The following EEA1 variants were observed in gnomAD, a reference collection of about 807,000 sequenced individuals.
The protein encoded by EEA1 is early endosome antigen 1.
A neutral mutation model predicts 209.2 loss-of-function variants in EEA1; 111 were observed. That is an observed-to-expected ratio of 0.53 (90% confidence interval 0.45 to 0.62). The LOEUF (loss-of-function observed/expected upper bound fraction) is 0.62. Among genes scored for constraint, EEA1 ranks in the 20% least tolerant of loss-of-function variants. EEA1 has a pLI of 0.00. For synonymous variants in EEA1, 536 were observed against 540.6 expected (o/e 0.99, Z 0.12); for missense variants, 1,343 against 1,530.8 (o/e 0.88, Z 2.05).
intron 18 of EEA1, among the ~76,000 whole-genome samples, chr12:92,803,916 C>T (rs534193314): frequency 6.6e-6 from 1 of 151,956 alleles, no homozygotes. Context: ...ATTACAAAAT[C>T]ATAAGACTAT....
chr12:92,819,576 A>C, intron 13 of EEA1, 65 bp from the exon 14 acceptor site: 2 of 1,132,216 alleles, frequency 1.8e-6, no homozygotes, highest in African/African-American at 3.1e-5. Context: ...CTCAAACATA[A>C]AATGACTAAT....
At chr12:92,794,766 G>C (rs1015785599) in intron 21 of EEA1, among the ~76,000 whole-genome samples, 1 of 151,684 alleles carries the variant, frequency 6.6e-6, no homozygotes. Context: ...ATCATTAGAA[G>C]AAATACCTAA....
chr12:92,896,953 T>C (rs28871380), intron 1 of EEA1, among the ~76,000 whole-genome samples: 39,691 of 151,728 alleles, frequency 0.26, 5,683 homozygotes, highest in Non-Finnish European at 0.33. Flanking sequence ...AGAAGGAGGA[T>C]CGCTTGAGGC....
intron 1 of EEA1, among the ~76,000 whole-genome samples, chr12:92,925,067 G>T (rs575181141): frequency 8.6e-5 from 13 of 150,692 alleles, no homozygotes; most frequent in African/African-American, 3.2e-4. Context: ...ATAGTTGTAT[G>T]AATCTCTGAA....
intron 11 of EEA1, among the ~76,000 whole-genome samples, 178 bp from the exon 12 acceptor site, chr12:92,828,239 ATATAT>A (rs1003860854): frequency 8.0e-4 from 122 of 152,228 alleles, no homozygotes; most frequent in Non-Finnish European, 1.5e-3. Flanking sequence ...AATTTTAATC[ATATAT>A]TATAATGAAT....
At chr12:92,831,633 A>T (rs1310982527) in intron 11 of EEA1, among the ~76,000 whole-genome samples, 5 of 147,026 alleles carry the variant, frequency 3.4e-5, no homozygotes, top group Non-Finnish European at 7.5e-5. Context: ...ATATTTCATA[A>T]ATATATAAAT....
intron 11 of EEA1, among the ~76,000 whole-genome samples, chr12:92,829,472 T>G (rs1876502644): frequency 2.0e-5 from 3 of 152,096 alleles, no homozygotes; most frequent in Admixed American, 2.0e-4. Context: ...CACTAAAACA[T>G]AGGCAGATTA....
intron 20 of EEA1, 33 bp downstream of exon 20, chr12:92,801,567 T>C (rs1201979761): frequency 7.1e-7 from 1 of 1,407,066 alleles, no homozygotes; most frequent in Non-Finnish European, 9.8e-7. Flanking sequence ...TACTATACTT[T>C]ACAGATTTTA....
chr12:92,850,569 A>G (rs1877569630), intron 9 of EEA1, among the ~76,000 whole-genome samples: 1 of 151,800 alleles, frequency 6.6e-6, no homozygotes, highest in Non-Finnish European at 1.5e-5. Context: ...AGGCACCTGT[A>G]ATCCCAGCTA....
chr12:92,858,394 A>G, intron 3 of EEA1: 2 of 1,131,466 alleles, frequency 1.8e-6, no homozygotes, highest in South Asian at 2.5e-5. Context: ...AAGACTTGTA[A>G]TGTGCTGGTA....
At chr12:92,905,795 T>A (rs1431220595) in intron 1 of EEA1, among the ~76,000 whole-genome samples, 1 of 152,186 alleles carries the variant, frequency 6.6e-6, no homozygotes, top group Non-Finnish European at 1.5e-5. Flanking sequence ...TTATGCAATA[T>A]CTTAAAAAGA....
intron 2 of EEA1, among the ~76,000 whole-genome samples, chr12:92,887,072 A>G (rs1879444863): frequency 6.6e-6 from 1 of 152,190 alleles, no homozygotes; most frequent in Non-Finnish European, 1.5e-5. Flanking sequence ...AAAAAAAGAC[A>G]TTTAAAATGA....
chr12:92,896,727 G>A (rs540244108), intron 1 of EEA1, among the ~76,000 whole-genome samples: 2 of 151,926 alleles, frequency 1.3e-5, no homozygotes, highest in East Asian at 3.9e-4. Context: ...CTTGAATCCG[G>A]GAGGTGGAGG....
intron 1 of EEA1, among the ~76,000 whole-genome samples, chr12:92,902,189 G>C (rs1388413258): frequency 6.6e-6 from 1 of 151,824 alleles, no homozygotes; most frequent in Non-Finnish European, 1.5e-5. Context: ...GTAAGACCTT[G>C]TCTCCACAAA....
intron 8 of EEA1, among the ~76,000 whole-genome samples, chr12:92,851,510 C>T (rs1234316058): frequency 2.0e-5 from 3 of 152,064 alleles, no homozygotes; most frequent in Non-Finnish European, 4.4e-5. Context: ...ATCTTTACTA[C>T]TTTATTTGTT....
At chr12:92,783,213 G>A (rs1873984738) in intron 22 of EEA1, among the ~76,000 whole-genome samples, 1 of 152,160 alleles carries the variant, frequency 6.6e-6, no homozygotes, top group African/African-American at 2.4e-5. Flanking sequence ...AGCAGTCTTG[G>A]GGATTGAGCC....
Position 92,774,855 on chromosome 12 carries a change from A to G in EEA1, c.*1156T>C, listed in dbSNP as rs1300804836. The G allele has an allele frequency of 6.6e-6, 1 of 151,724 alleles. No homozygotes were observed. Among genetic ancestry groups the G allele is most frequent in the African/African-American group, 2.4e-5 (1 of 41,420 alleles). 9.4% of individuals were successfully genotyped at this position (151,724 alleles called of 1,614,324 possible). On this transcript the variant is annotated 3_prime_UTR_variant, in exon 29 of 29. Coordinates refer to ENST00000322349, the MANE Select transcript of EEA1 (RefSeq NM_003566.4). Reference sequence around the variant, plus strand: ...ATTTTAACTTTAAGTCAATTTTACAACTTTTAAAAATTCTTCCCAATAGGG... The same window carrying G: ...ATTTTAACTTTAAGTCAATTTTACAGCTTTTAAAAATTCTTCCCAATAGGG...
chr12:92,811,105 T>C (rs1464890047), intron 17 of EEA1, among the ~76,000 whole-genome samples, 174 bp downstream of exon 17: 1 of 152,072 alleles, frequency 6.6e-6, no homozygotes, highest in African/African-American at 2.4e-5. Flanking sequence ...ACATTAAAAA[T>C]AAAGATAGAA....
At chr12:92,801,765 T>G (rs1191620935) in intron 19 of EEA1, 64 bp from the exon 20 acceptor site, 28 of 1,162,606 alleles carry the variant, frequency 2.4e-5, no homozygotes, top group Non-Finnish European at 3.2e-5. Context: ...AAGTTTAGTT[T>G]ATAACCTTAG....
Sources: allele counts gnomAD v4.1 joint callset (sites outside exome capture counted in the v4.1 genomes callset), GRCh38; gene constraint gnomAD v4.1.1; transcripts MANE v1.5; gene names NCBI Gene and HGNC (gene_info 2026-07-23, HGNC 2026-07-21).